SUGCT: variants seen among roughly 807,000 people sequenced by gnomAD.
SUGCT encodes succinyl-CoA:glutarate-CoA transferase, also known as succinyl-CoA:glutarate CoA-transferase.
In SUGCT, 41 loss-of-function variants were observed where a neutral mutation model predicts 55.0. That is an observed-to-expected ratio of 0.74 (90% confidence interval 0.58 to 0.97). The LOEUF (loss-of-function observed/expected upper bound fraction) is 0.97, where lower values mean the gene tolerates loss of function less well. Among genes scored for constraint, SUGCT ranks in the 50% least tolerant of loss-of-function variants. The pLI is 0.00. For missense variants in SUGCT, 568 were observed against 547.8 expected (o/e 1.04, Z -0.37); for synonymous variants, 187 against 200.4 (o/e 0.93, Z 0.56).
chr7:40,155,065 C>T (rs1459800015), intron 1 of SUGCT, among the ~76,000 whole-genome samples: 1 of 152,122 alleles, frequency 6.6e-6, no homozygotes, highest in Non-Finnish European at 1.5e-5. Context: ...GGTGGGTGAT[C>T]ACCTGAGGTC....
At chr7:40,434,002 A>G (rs1446417195) in intron 9 of SUGCT, among the ~76,000 whole-genome samples, 1 of 152,150 alleles carries the variant, frequency 6.6e-6, no homozygotes, top group Admixed American at 6.5e-5. Context: ...CATACCACAT[A>G]TGTTATTATA....
chr7:40,296,106 T>A (rs1160358343), intron 8 of SUGCT, among the ~76,000 whole-genome samples: 1 of 152,182 alleles, frequency 6.6e-6, no homozygotes, highest in Admixed American at 6.5e-5. Flanking sequence ...TTGGATGCCT[T>A]AAGTTAGTAG....
chr7:40,490,858 C>T (rs924033628), intron 11 of SUGCT, among the ~76,000 whole-genome samples: 1 of 152,042 alleles, frequency 6.6e-6, no homozygotes, highest in Non-Finnish European at 1.5e-5. Context: ...GCAAGATTTT[C>T]TGCAAGACAT....
rs1016889204 is a variant in SUGCT at position 40,780,259 on chromosome 7, G to A, written c.1153+30762G>A. ...CTTTAACTATTTCCTTTTTATAATC[G>A]TGCTGTTTTCTGTTTTTGCCCTGAC... On this transcript the variant is annotated intron_variant, in intron 13 of 13. Transcript: ENST00000335693. 6.6e-5 allele frequency among the ~76,000 whole-genome samples: 10 copies of A among 152,032 alleles called. 1 individual carries two copies. The highest frequency in any genetic ancestry group is 1.4e-4 in the African/African-American group (6 of 41,414).
chr7:40,559,671 T>A (rs1275940136), intron 12 of SUGCT, among the ~76,000 whole-genome samples: 2 of 152,266 alleles, frequency 1.3e-5, no homozygotes, highest in Non-Finnish European at 2.9e-5. Context: ...GCTATACTTA[T>A]ACATTACTAT....
At position 40,607,723 on chromosome 7, in the gene SUGCT, C is replaced by T. The variant is rs1282540071; in HGVS notation, c.1089+111337C>T. Among the ~76,000 whole-genome samples the T allele has an allele frequency of 3.3e-5, 5 of 152,212 alleles. No homozygotes were observed. In the South Asian group the frequency reaches 1.0e-3, roughly 32 times the overall value. On this transcript the variant is annotated intron_variant, in intron 12 of 13. Coordinates refer to ENST00000335693, the MANE Select transcript of SUGCT (RefSeq NM_001193313.2). The stretch of plus-strand genomic sequence containing the variant: ...GACTTGTTGAGTGCATACTAGGTGC[C>T]AGGAAATTTACTAAGCATGTTGCAT...
intron 13 of SUGCT, among the ~76,000 whole-genome samples, chr7:40,847,301 C>G (rs552187986): frequency 6.6e-6 from 1 of 152,060 alleles, no homozygotes; most frequent in African/African-American, 2.4e-5. Context: ...GCTGGTGGAA[C>G]AGTCACCATT....
At chr7:40,219,882 C>A (rs1224149710) in intron 6 of SUGCT, among the ~76,000 whole-genome samples, 2 of 152,000 alleles carry the variant, frequency 1.3e-5, no homozygotes, top group East Asian at 1.9e-4. Flanking sequence ...CTTATGTTCA[C>A]TCCCTTATAA....
chr7:40,300,424 T>A (rs1794462452), intron 8 of SUGCT, among the ~76,000 whole-genome samples: 1 of 152,142 alleles, frequency 6.6e-6, no homozygotes, highest in Non-Finnish European at 1.5e-5. Context: ...CCAATTGTGG[T>A]TAAAGGGTGA....
chr7:40,435,779 G>A (rs1788140055), intron 9 of SUGCT, among the ~76,000 whole-genome samples: 1 of 151,964 alleles, frequency 6.6e-6, no homozygotes, highest in African/African-American at 2.4e-5. Context: ...ATTTGGTGCT[G>A]AGTTTCTGAG....
At chr7:40,357,891 G>T (rs886748225) in intron 9 of SUGCT, among the ~76,000 whole-genome samples, 1 of 151,990 alleles carries the variant, frequency 6.6e-6, no homozygotes, top group African/African-American at 2.4e-5. Flanking sequence ...GCTGAATTTG[G>T]CCAGTATGGC....
chr7:40,981,609 T>C, the SUGCT span, among the ~76,000 whole-genome samples: 1 of 152,202 alleles, frequency 6.6e-6, no homozygotes, highest in Non-Finnish European at 1.5e-5. Flanking sequence ...ATCTCTTTCT[T>C]CACATTTTAC....
chr7:40,194,883 C>G (rs1050416563), intron 5 of SUGCT, 57 bp from the exon 6 acceptor site: 32 of 1,550,420 alleles, frequency 2.1e-5, no homozygotes, highest in Middle Eastern at 1.7e-4. Context: ...AGTTAAAATT[C>G]TATCATGTGG....
intron 12 of SUGCT, among the ~76,000 whole-genome samples, chr7:40,739,781 T>C (rs998764872): frequency 1.3e-5 from 2 of 152,200 alleles, no homozygotes; most frequent in African/African-American, 4.8e-5. Flanking sequence ...TCTCTGCCAA[T>C]ATGATATTCT....
intron 12 of SUGCT, among the ~76,000 whole-genome samples, chr7:40,724,841 A>T (rs1412404210): frequency 1.3e-5 from 2 of 152,160 alleles, no homozygotes; most frequent in African/African-American, 4.8e-5. Context: ...AATTAGAAAC[A>T]GATAAAACTT....
At chr7:40,963,708 T>C in the SUGCT span, among the ~76,000 whole-genome samples, 50,600 of 151,814 alleles carry the variant, frequency 0.33, 9,140 homozygotes, top group Admixed American at 0.45. Context: ...TCATTCTGCT[T>C]ATATACAGTC....
At chr7:40,939,895 T>C in the SUGCT span, among the ~76,000 whole-genome samples, 1 of 30,122 alleles carries the variant, frequency 3.3e-5, no homozygotes, top group Non-Finnish European at 5.8e-5. Flanking sequence ...TTAGGTTTTA[T>C]GTATTTTTTT....
At chr7:41,026,254 G>GTGA in the SUGCT span, among the ~76,000 whole-genome samples, 1 of 152,184 alleles carries the variant, frequency 6.6e-6, no homozygotes, top group Non-Finnish European at 1.5e-5. Context: ...CCACCGAATG[G>GTGA]TGATGGTCCT....
chr7:40,629,749 A>G (rs1417595312), intron 12 of SUGCT, among the ~76,000 whole-genome samples: 1 of 152,162 alleles, frequency 6.6e-6, no homozygotes, highest in Non-Finnish European at 1.5e-5. Flanking sequence ...TTTTAAATCT[A>G]TATGTTTTAT....
Sources: allele counts gnomAD v4.1 joint callset (sites outside exome capture counted in the v4.1 genomes callset), GRCh38; gene constraint gnomAD v4.1.1; transcripts MANE v1.5; gene names NCBI Gene and HGNC (gene_info 2026-07-23, HGNC 2026-07-21).